LRRC18: variants seen among roughly 807,000 people sequenced by gnomAD.
LRRC18 encodes leucine-rich repeat-containing protein 18.
In LRRC18, 12 loss-of-function variants were observed where a neutral mutation model predicts 11.2. The observed-to-expected ratio is 1.07, with a 90% CI of 0.69 to 1.74. The LOEUF is 1.74. Among genes scored for constraint, LRRC18 ranks in the 40% most tolerant of loss-of-function variants. The pLI is 0.00. For missense variants in LRRC18, 374 were observed against 330.5 expected (o/e 1.13, Z -1.02); for synonymous variants, 155 against 130.6 (o/e 1.19, Z -1.27).
the LRRC18 span, among the ~76,000 whole-genome samples, chr10:48,930,546 G>A: frequency 6.6e-6 from 1 of 152,178 alleles, no homozygotes; most frequent in Non-Finnish European, 1.5e-5. Context: ...ACGAGATGAA[G>A]CAAGGAAACG....
upstream of LRRC18, among the ~76,000 whole-genome samples, chr10:48,914,883 C>A (rs561506781): frequency 4.6e-5 from 7 of 152,134 alleles, no homozygotes. Context: ...ATGGGGGGTG[C>A]GGGCAAAGCT....
chr10:48,930,641 C>G, the LRRC18 span, among the ~76,000 whole-genome samples: 3 of 152,092 alleles, frequency 2.0e-5, no homozygotes, highest in East Asian at 5.8e-4. Context: ...GAAATAAGAA[C>G]AAGACTTTTG....
At chr10:48,916,554 C>G (rs1259351148), upstream of LRRC18, among the ~76,000 whole-genome samples, 1 of 152,092 alleles carries the variant, frequency 6.6e-6, no homozygotes, top group African/African-American at 2.4e-5. Flanking sequence ...CCACTTGGCT[C>G]TAGAGGCAGA....
chr10:48,923,320 C>T, the LRRC18 span, among the ~76,000 whole-genome samples: 1 of 151,910 alleles, frequency 6.6e-6, no homozygotes, highest in Non-Finnish European at 1.5e-5. Flanking sequence ...AAACTGTCTA[C>T]TGTGCTTGAG....
intron 1 of LRRC18, 22 bp from the exon 4 acceptor site, chr10:48,910,280 G>T (rs1170585692): frequency 1.2e-6 from 2 of 1,602,388 alleles, no homozygotes; most frequent in East Asian, 4.5e-5. Context: ...GACACAAGAA[G>T]GTGAGGCAAT....
intron 1 of LRRC18, among the ~76,000 whole-genome samples, chr10:48,911,896 G>A (rs1382415459): frequency 3.9e-5 from 6 of 152,210 alleles, no homozygotes; most frequent in Admixed American, 3.3e-4. Flanking sequence ...AGCATTACAA[G>A]AGGAAGTAAG....
upstream of LRRC18, among the ~76,000 whole-genome samples, chr10:48,914,687 A>G (rs1343189829): frequency 6.6e-6 from 1 of 152,190 alleles, no homozygotes; most frequent in Admixed American, 6.5e-5. Flanking sequence ...TTAGAGAATA[A>G]GGTGGGTACT....
At chr10:48,918,460 A>G (rs187219531), upstream of LRRC18, among the ~76,000 whole-genome samples, 75 of 152,364 alleles carry the variant, frequency 4.9e-4, no homozygotes, top group Non-Finnish European at 9.8e-4. Flanking sequence ...TTTCAGAACA[A>G]GAAAATTTAC....
chr10:48,910,118 G>A (rs1007680544), exon 2 of LRRC18: 13 of 959,502 alleles, frequency 1.4e-5, no homozygotes, highest in African/African-American at 8.0e-5. Context: ...CAGCTCCGGC[G>A]AGCCTGGTTT....
chr10:48,927,147 T>C, the LRRC18 span, among the ~76,000 whole-genome samples: 3 of 152,156 alleles, frequency 2.0e-5, no homozygotes, highest in African/African-American at 7.2e-5. Flanking sequence ...CACTTGAAAG[T>C]CTAACCTCTC....
chr10:48,911,758 A>G (rs1838027476), intron 1 of LRRC18, among the ~76,000 whole-genome samples: 1 of 152,198 alleles, frequency 6.6e-6, no homozygotes. Flanking sequence ...AAGCTACTAT[A>G]TTTAGTAGTA....
At chr10:48,911,317 C>T (rs1019809168) in intron 1 of LRRC18, among the ~76,000 whole-genome samples, 19 of 152,304 alleles carry the variant, frequency 1.2e-4, no homozygotes, top group African/African-American at 3.8e-4. Flanking sequence ...TTCTCTACTA[C>T]GTTACTGGTA....
the LRRC18 span, among the ~76,000 whole-genome samples, chr10:48,938,663 G>A: frequency 6.6e-6 from 1 of 152,244 alleles, no homozygotes; most frequent in Admixed American, 6.5e-5. Context: ...GTGTGGGGTA[G>A]GGAAGGCCCT....
At chr10:48,924,385 C>G in the LRRC18 span, among the ~76,000 whole-genome samples, 1 of 152,154 alleles carries the variant, frequency 6.6e-6, no homozygotes, top group Non-Finnish European at 1.5e-5. Flanking sequence ...GCTAGATGGC[C>G]TATTATCAGT....
At chr10:48,910,302 A>T (rs1303654043) in intron 1 of LRRC18, 44 bp from the exon 4 acceptor site, 2 of 1,575,736 alleles carry the variant, frequency 1.3e-6, no homozygotes, top group South Asian at 2.2e-5. Context: ...GCTCCAGGCC[A>T]CAGAGGCAAA....
At chr10:48,932,647 A>AC in the LRRC18 span, 1 of 95,576 alleles carries the variant, frequency 1.0e-5, no homozygotes, top group Non-Finnish European at 2.6e-5. Flanking sequence ...AGAGCAAATA[A>AC]AAAAAAAAAA....
At chr10:48,924,358 T>C in the LRRC18 span, among the ~76,000 whole-genome samples, 1 of 152,236 alleles carries the variant, frequency 6.6e-6, no homozygotes, top group African/African-American at 2.4e-5. Context: ...GATCTTTTGA[T>C]CATCTGTTTG....
chr10:48,921,642 A>T, the LRRC18 span, among the ~76,000 whole-genome samples: 1 of 152,342 alleles, frequency 6.6e-6, no homozygotes, highest in African/African-American at 2.4e-5. Flanking sequence ...GACAAGCTAC[A>T]GACTGGAAGA....
At chr10:48,913,514 G>A in exon 1 of LRRC18, 1 of 1,613,872 alleles carries the variant, frequency 6.2e-7, no homozygotes, top group Non-Finnish European at 8.5e-7. Flanking sequence ...GGGCGTTTTG[G>A]CATTTTCTCA....
Sources: allele counts gnomAD v4.1 joint callset (sites outside exome capture counted in the v4.1 genomes callset), GRCh38; gene constraint gnomAD v4.1.1; transcripts MANE v1.5; gene names NCBI Gene and HGNC (gene_info 2026-07-23, HGNC 2026-07-21).